PLIN5: variants seen among roughly 807,000 people sequenced by gnomAD.
The protein encoded by PLIN5 is perilipin 5.
In PLIN5, 34 loss-of-function variants were observed where a neutral mutation model predicts 32.8. That is an observed-to-expected ratio of 1.04 (90% CI 0.79 to 1.38). The LOEUF is 1.38. Among genes scored for constraint, PLIN5 ranks in the 40% most tolerant of loss-of-function variants. PLIN5 has a pLI of 0.00. For synonymous variants in PLIN5, 309 were observed against 292.9 expected (o/e 1.05, Z -0.56); for missense variants, 712 against 660.5 (o/e 1.08, Z -0.85).
At chr19:4,530,323 G>A (rs1328617442) in intron 3 of PLIN5, among the ~76,000 whole-genome samples, 3 of 152,168 alleles carry the variant, frequency 2.0e-5, no homozygotes, top group Non-Finnish European at 2.9e-5. Flanking sequence ...CAGCTCAGAT[G>A]GCCCAGCGGA....
intron 5 of PLIN5, among the ~76,000 whole-genome samples, chr19:4,528,218 C>T (rs1976832603): frequency 6.6e-6 from 1 of 151,508 alleles, no homozygotes; most frequent in Non-Finnish European, 1.5e-5. Context: ...CGCCTCCCTG[C>T]TTTTCTGCTG....
rs1170401958 is a variant in PLIN5, at chr19:4,523,325, T to C, written c.*203A>G. ...TTGGCCTGAATAGGGTTCGAGGCCC[T>C]GCTCCCCCGGGCCTCTTTGTCCATG... On this transcript the variant is annotated 3_prime_UTR_variant, in exon 8 of 8. Transcript: ENST00000381848. This position sits in a 1 kb window ranked among gnomAD's most constrained non-coding sequence, Gnocchi z 5.0. The C allele has an allele frequency of 9.1e-6, 5 of 552,372 alleles. No individual in the cohort carries two copies. Among genetic ancestry groups the C allele is most frequent in the African/African-American group, 2.0e-5 (1 of 50,662 alleles). The allele number at this position is 552,372 out of a possible 1,614,324, so 34.2% of individuals were successfully genotyped here.
chr19:4,534,486 C>T (rs961613665), intron 1 of PLIN5, among the ~76,000 whole-genome samples: 43 of 152,228 alleles, frequency 2.8e-4, no homozygotes, highest in African/African-American at 5.3e-4. Flanking sequence ...GATTCTCCTG[C>T]TTCAGCCTCC....
At chr19:4,527,678 C>G (rs191789631) in intron 5 of PLIN5, among the ~76,000 whole-genome samples, 2 of 150,986 alleles carry the variant, frequency 1.3e-5, no homozygotes, top group Admixed American at 1.3e-4. Context: ...AACCCCATCT[C>G]TACTAAATAC....
chr19:4,529,925 A>G, intron 3 of PLIN5, 59 bp from the exon 4 acceptor site: 1 of 1,124,402 alleles, frequency 8.9e-7, no homozygotes, highest in Non-Finnish European at 1.3e-6. Context: ...ATAGGGACGC[A>G]GTGAGAGTTG....
intron 5 of PLIN5, 140 bp downstream of exon 5, chr19:4,528,933 G>T: frequency 2.2e-6 from 2 of 910,982 alleles, no homozygotes; most frequent in Non-Finnish European, 3.2e-6. Context: ...CGGGAGGGAG[G>T]ACAGGCCTGG....
At chr19:4,524,271 G>GC (rs1312919218) in intron 7 of PLIN5, among the ~76,000 whole-genome samples, 186 bp from the exon 8 acceptor site, 10 of 152,194 alleles carry the variant, frequency 6.6e-5, no homozygotes, top group African/African-American at 2.4e-4. Flanking sequence ...ACACAATGGG[G>GC]CCGGTCGCGG....
chr19:4,534,623 G>T (rs888706960), intron 1 of PLIN5, among the ~76,000 whole-genome samples: 1 of 152,048 alleles, frequency 6.6e-6, no homozygotes, highest in African/African-American at 2.4e-5. Context: ...TGCCCACCTC[G>T]GCCTCCCAAA....
chr19:4,534,170 G>A, intron 1 of PLIN5, 75 bp from the exon 2 acceptor site: 1 of 1,317,350 alleles, frequency 7.6e-7, no homozygotes, highest in Non-Finnish European at 1.1e-6. Context: ...TGTGACTTGA[G>A]CAACTCTCAA....
At position 4,534,245 on chromosome 19, in the gene PLIN5, T is replaced by A. The variant is rs149196597; in HGVS notation, c.-21-150A>T. On this transcript the variant is annotated intron_variant, in intron 1 of 7. Transcript: ENST00000381848. The stretch of plus-strand genomic sequence containing the variant: ...CATTCTGTGGAGCTCAGACAATGCA[T>A]GTCCAGAGCTCTGTACACAGAGGGT... 8.2e-3 allele frequency: 5,444 copies of A among 666,080 alleles called. 40 individuals carry two copies. Among genetic ancestry groups the A allele is most frequent in the Non-Finnish European group, 0.011 (4,349 of 378,714 alleles). 41.3% of individuals were successfully genotyped at this position (666,080 alleles called of 1,614,324 possible). A position where few individuals can be genotyped will look rare whatever the true frequency, so the allele number is the denominator to read the frequency against.
At chr19:4,531,579 G>T (rs749143450) in intron 3 of PLIN5, 48 bp downstream of exon 3, 4 of 1,455,794 alleles carry the variant, frequency 2.7e-6, no homozygotes, top group Non-Finnish European at 3.6e-6. Context: ...GGGGGCGGTG[G>T]GGGGGTGGCA....
intron 5 of PLIN5, among the ~76,000 whole-genome samples, chr19:4,527,455 C>A (rs1191990102): frequency 7.2e-6 from 1 of 139,420 alleles, no homozygotes; most frequent in African/African-American, 2.6e-5. Flanking sequence ...AGGAGAATCA[C>A]TTGAACCCAG....
intron 3 of PLIN5, among the ~76,000 whole-genome samples, chr19:4,531,316 T>TTC (rs1469207874): frequency 6.6e-6 from 1 of 151,886 alleles, no homozygotes; most frequent in African/African-American, 2.4e-5. Context: ...AAAAAAAAAT[T>TTC]TTTTTTTTGA....
At chr19:4,526,846 A>C (rs1976809087) in intron 5 of PLIN5, among the ~76,000 whole-genome samples, 1 of 151,416 alleles carries the variant, frequency 6.6e-6, no homozygotes, top group Non-Finnish European at 1.5e-5. Flanking sequence ...CAACAGAGCA[A>C]GACTCCATCT....
At chr19:4,529,545 T>A in intron 4 of PLIN5, 1 of 459,646 alleles carries the variant, frequency 2.2e-6, no homozygotes, top group Non-Finnish European at 3.6e-6. Flanking sequence ...TACTTATACG[T>A]ATATATACAT....
rs148542266 is a variant in PLIN5, at chr19:4,525,942, T to TACGGGGACAGC, written c.521-121_521-111dup. ...ATACGGGGACAGCACGGGGACAGGA[T>TACGGGGACAGC]ACGGGGACAGCACGGGGACAGCATG... On this transcript the variant is annotated intron_variant, in intron 5 of 7. Transcript: ENST00000381848. The surrounding 1 kb of genome is among the most constrained non-coding windows in gnomAD (Gnocchi z 5.6). 328 of 639,194 alleles carry TACGGGGACAGC rather than the reference T, an allele frequency of 5.1e-4. 2 individuals are homozygous for TACGGGGACAGC. The highest frequency in any genetic ancestry group is 4.4e-3 in the East Asian group (160 of 36,460). The allele number at this position is 639,194 out of a possible 1,614,324, so 39.6% of individuals were successfully genotyped here.
Position 4,523,988 on chromosome 19 carries a change from C to A in PLIN5, c.932G>T (p.Gly311Val). The A allele has an allele frequency of 2.0e-6, 3 of 1,525,222 alleles. No individual in the cohort carries two copies. The highest frequency in any genetic ancestry group is 2.6e-6 in the Non-Finnish European group (3 of 1,143,478). The allele number at this position is 1,525,222 out of a possible 1,614,324, so 94.5% of individuals were successfully genotyped here. ...LESSVRGLPA[G>V]AQEKVAEVRR... ...CACCTCAGCCACCTTCTCCTGGGCGCCGGCGGGCAGGCCCCGCACGCTGGA... is the reference window on the plus strand; with the variant it reads ...CACCTCAGCCACCTTCTCCTGGGCGACGGCGGGCAGGCCCCGCACGCTGGA... The change falls in exon 8 of 8, where the codon GGC becomes GTC. Residue 311 changes from glycine to valine, a missense_variant. By Grantham distance (109) the Gly-to-Val change is moderately radical. Coordinates refer to ENST00000381848, the MANE Select transcript of PLIN5 (RefSeq NM_001013706.3). This position sits in a 1 kb window ranked among gnomAD's most constrained non-coding sequence, Gnocchi z 5.0.
At position 4,525,343 on chromosome 19, in the gene PLIN5, G is replaced by A. The variant is rs563067040; in HGVS notation, c.721-267C>T. Among the ~76,000 whole-genome samples the A allele has an allele frequency of 7.9e-5, 12 of 152,222 alleles. No homozygotes were observed. The highest frequency in any genetic ancestry group is 2.9e-4 in the African/African-American group (12 of 41,540). The stretch of plus-strand genomic sequence containing the variant: ...GGGGAGGGAAGAGCTGAGGATGGGA[G>A]GATTCTGATGAGGAGGAAGGCTCTC... On this transcript the variant is annotated intron_variant, in intron 6 of 7. Coordinates refer to ENST00000381848, the MANE Select transcript of PLIN5 (RefSeq NM_001013706.3). This position sits in a 1 kb window ranked among gnomAD's most constrained non-coding sequence, Gnocchi z 5.6.
Position 4,522,777 on chromosome 19 carries a change from G to A in PLIN5, c.*751C>T, listed in dbSNP as rs1276320240. 6.6e-6 allele frequency: 1 copy of A among 151,500 alleles called. No homozygotes were observed. Among genetic ancestry groups the A allele is most frequent in the Non-Finnish European group, 1.5e-5 (1 of 67,906 alleles). 9.4% of individuals were successfully genotyped at this position (151,500 alleles called of 1,614,324 possible). On this transcript the variant is annotated 3_prime_UTR_variant, in exon 8 of 8. Coordinates refer to ENST00000381848, the MANE Select transcript of PLIN5 (RefSeq NM_001013706.3). ...GGCTCACTGCAGCCTCCAACTCCTGGGCTCAAGCAGTCCTCCCACCTTGGC... is the reference window on the plus strand; with the variant it reads ...GGCTCACTGCAGCCTCCAACTCCTGAGCTCAAGCAGTCCTCCCACCTTGGC...
Sources: allele counts gnomAD v4.1 joint callset (sites outside exome capture counted in the v4.1 genomes callset), GRCh38; gene constraint gnomAD v4.1.1; non-coding constraint Gnocchi (gnomAD v3.1); transcripts MANE v1.5; gene names NCBI Gene and HGNC (gene_info 2026-07-23, HGNC 2026-07-21).